Variants in UMAD1 observed in about 807,000 individuals in gnomAD.
The protein encoded by UMAD1 is UBAP1-MVB12-associated (UMA)-domain containing protein 1.
Under a neutral mutation model 6.1 loss-of-function variants are expected in UMAD1, and 8 were observed. The observed-to-expected ratio is 1.30, with a 90% confidence interval of 0.76 to 2.35. UMAD1 has a LOEUF of 2.35. UMAD1 is among the 30% of genes most tolerant of loss of function. The probability of loss-of-function intolerance (pLI) is 0.00; values close to 1 mark genes in which losing one functional copy is unlikely to be tolerated. For missense variants in UMAD1, 130 were observed against 78.4 expected (o/e 1.66, Z -2.49); for synonymous variants, 56 against 31.4 (o/e 1.78, Z -2.61).
chr7:7,858,522 A>G (rs773211749), intron 3 of UMAD1, among the ~76,000 whole-genome samples: 1 of 152,240 alleles, frequency 6.6e-6, no homozygotes, highest in Non-Finnish European at 1.5e-5. Context: ...AATGATTTCT[A>G]GAAGGCTAAA....
intron 2 of UMAD1, among the ~76,000 whole-genome samples, chr7:7,760,514 C>T (rs982621119): frequency 6.6e-6 from 1 of 151,424 alleles, no homozygotes; most frequent in Admixed American, 6.6e-5. Flanking sequence ...CCAACCAAAG[C>T]CAAAGTGAGG....
At chr7:7,764,579 A>G (rs1274417677) in intron 2 of UMAD1, among the ~76,000 whole-genome samples, 2 of 152,174 alleles carry the variant, frequency 1.3e-5, no homozygotes, top group Non-Finnish European at 2.9e-5. Context: ...ATCTTAAGGC[A>G]GTGATGGGAG....
At chr7:7,803,827 G>A (rs1782852633) in intron 3 of UMAD1, among the ~76,000 whole-genome samples, 1 of 151,910 alleles carries the variant, frequency 6.6e-6, no homozygotes, top group Non-Finnish European at 1.5e-5. Context: ...CCCTAATACA[G>A]TCGCCTTGGG....
intron 2 of UMAD1, among the ~76,000 whole-genome samples, chr7:7,697,503 A>G (rs1780349939): frequency 6.6e-6 from 1 of 152,230 alleles, no homozygotes; most frequent in Non-Finnish European, 1.5e-5. Flanking sequence ...ATTTTGAAAT[A>G]TGATTGTGGC....
intron 2 of UMAD1, among the ~76,000 whole-genome samples, chr7:7,797,974 A>G (rs1190665634): frequency 6.6e-6 from 1 of 152,246 alleles, no homozygotes; most frequent in African/African-American, 2.4e-5. Context: ...GGCGTGAGCC[A>G]CCGTGCCTGG....
intron 3 of UMAD1, among the ~76,000 whole-genome samples, chr7:7,820,335 A>C (rs1783218940): frequency 6.6e-6 from 1 of 152,214 alleles, no homozygotes; most frequent in African/African-American, 2.4e-5. Flanking sequence ...CTTGTATCTC[A>C]AGATCTTTTT....
chr7:7,677,130 T>C (rs186302886), intron 2 of UMAD1, among the ~76,000 whole-genome samples: 1 of 152,324 alleles, frequency 6.6e-6, no homozygotes, highest in Non-Finnish European at 1.5e-5. Context: ...GGGTCCGTAA[T>C]AGTTGTATAT....
intron 3 of UMAD1, among the ~76,000 whole-genome samples, chr7:7,841,353 C>T (rs183163285): frequency 8.5e-4 from 126 of 149,044 alleles, no homozygotes; most frequent in African/African-American, 2.9e-3. Flanking sequence ...GTTGCTCTGT[C>T]GCCAAGGCTG....
At chr7:7,681,071 AAAGCT>A (rs1779899921) in intron 2 of UMAD1, among the ~76,000 whole-genome samples, 1 of 152,192 alleles carries the variant, frequency 6.6e-6, no homozygotes, top group Non-Finnish European at 1.5e-5. Flanking sequence ...TCTAAATGAT[AAAGCT>A]AAGTAAAAAC....
At chr7:7,785,291 A>C (rs753206720) in intron 2 of UMAD1, among the ~76,000 whole-genome samples, 15 of 152,180 alleles carry the variant, frequency 9.9e-5, no homozygotes, top group Non-Finnish European at 1.9e-4. Context: ...TTCAATATTG[A>C]TTGTGTGTTC....
intron 1 of UMAD1, among the ~76,000 whole-genome samples, chr7:7,663,969 C>G (rs373879662): frequency 5.9e-4 from 90 of 152,286 alleles, no homozygotes; most frequent in African/African-American, 2.0e-3. Context: ...TTTCCTTCTA[C>G]TGATTAGATT....
chr7:7,764,734 C>T (rs540083797), intron 2 of UMAD1, among the ~76,000 whole-genome samples: 1 of 152,284 alleles, frequency 6.6e-6, no homozygotes, highest in African/African-American at 2.4e-5. Context: ...CCCTTGTTTA[C>T]AATATGTGAT....
intron 1 of UMAD1, among the ~76,000 whole-genome samples, chr7:7,641,859 G>A (rs113547464): frequency 6.6e-6 from 1 of 152,240 alleles, no homozygotes; most frequent in Non-Finnish European, 1.5e-5. Flanking sequence ...ATTTAAGATT[G>A]GAATCTCATG....
chr7:7,810,897 C>G (rs1297300206), intron 3 of UMAD1, among the ~76,000 whole-genome samples: 2 of 152,098 alleles, frequency 1.3e-5, no homozygotes, highest in East Asian at 3.9e-4. Flanking sequence ...CACAGAGTAC[C>G]ACATCTGACC....
chr7:7,685,207 T>G (rs1780013362), intron 2 of UMAD1, among the ~76,000 whole-genome samples: 1 of 152,196 alleles, frequency 6.6e-6, no homozygotes, highest in Admixed American at 6.5e-5. Context: ...TACAATATTC[T>G]TTTATACTTA....
Position 7,640,767 on chromosome 7 carries a change from G to A in UMAD1, c.-118G>A, listed in dbSNP as rs1784949447. 4.0e-6 allele frequency: 1 copy of A among 247,516 alleles called. No individual in the cohort carries two copies. 15.3% of individuals were successfully genotyped at this position (247,516 alleles called of 1,614,324 possible). On this transcript the variant is annotated 5_prime_UTR_variant, in exon 1 of 4. It adds an upstream start codon to the 5' untranslated region. Transcript: ENST00000682710. ...TCCCGGCGGTGACTTGACCCCGGAAGTGGGGTGTGAAGCTCCGGTGCTGGT... is the reference window on the plus strand; with the variant it reads ...TCCCGGCGGTGACTTGACCCCGGAAATGGGGTGTGAAGCTCCGGTGCTGGT...
At chr7:7,697,117 T>C (rs541324672) in intron 2 of UMAD1, among the ~76,000 whole-genome samples, 2 of 152,312 alleles carry the variant, frequency 1.3e-5, no homozygotes, top group African/African-American at 4.8e-5. Flanking sequence ...GTTTTGCTTT[T>C]CTTTTTATTT....
intron 2 of UMAD1, among the ~76,000 whole-genome samples, chr7:7,762,054 G>A (rs1781901258): frequency 6.6e-6 from 1 of 152,280 alleles, no homozygotes; most frequent in East Asian, 1.9e-4. Flanking sequence ...GACTAAGGGC[G>A]TGCCAGAATT....
At chr7:7,669,035 A>C (rs1779539107) in intron 1 of UMAD1, among the ~76,000 whole-genome samples, 1 of 152,112 alleles carries the variant, frequency 6.6e-6, no homozygotes, top group Non-Finnish European at 1.5e-5. Flanking sequence ...CGTAGGGAGA[A>C]TGGGCCAACT....
Sources: allele counts gnomAD v4.1 joint callset (sites outside exome capture counted in the v4.1 genomes callset), GRCh38; gene constraint gnomAD v4.1.1; transcripts MANE v1.5; gene names NCBI Gene and HGNC (gene_info 2026-07-23, HGNC 2026-07-21).